The following MYL5 variants were observed in gnomAD, a reference collection of about 807,000 sequenced individuals.
MYL5 encodes myosin regulatory light chain 5.
In MYL5, 28 loss-of-function variants were observed where a neutral mutation model predicts 20.8. The observed-to-expected ratio is 1.35, with a 90% CI of 1.00 to 1.84. The LOEUF (loss-of-function observed/expected upper bound fraction) is 1.84, where lower values mean the gene tolerates loss of function less well. MYL5 is among the 40% of genes most tolerant of loss of function. The pLI is 0.00. For missense variants in MYL5, 274 were observed against 227.3 expected (o/e 1.21, Z -1.32); for synonymous variants, 118 against 87.4 (o/e 1.35, Z -1.95).
intron 4 of MYL5, 109 bp from the exon 7 acceptor site, chr4:680,400 T>C: frequency 8.6e-7 from 1 of 1,164,390 alleles, no homozygotes; most frequent in South Asian, 1.3e-5. Context: ...GGGCAGAGGC[T>C]TGGAGTCTCC....
chr4:680,614 C>T, intron 5 of MYL5, 27 bp downstream of exon 7: 3 of 1,607,940 alleles, frequency 1.9e-6, no homozygotes, highest in Non-Finnish European at 1.7e-6. Flanking sequence ...CCAGGGCGGC[C>T]CGGCTTCCGG....
At position 680,606 on chromosome 4, in the gene MYL5, AGGGCGGCCC is replaced by A. The variant is rs755997451; in HGVS notation, c.371+22_371+30del. ...AGGAGTAGTGAGTGCCCGGGCGGCCAGGGCGGCCCGGCTTCCGGGGAACCCCAGTGATCT... is the reference window on the plus strand; with the variant it reads ...AGGAGTAGTGAGTGCCCGGGCGGCCAGGCTTCCGGGGAACCCCAGTGATCT... On this transcript the variant is annotated intron_variant, in intron 5 of 6. Coordinates refer to ENST00000400159, the Ensembl canonical transcript of MYL5. 65 of 1,610,404 alleles carry A rather than the reference AGGGCGGCCC, an allele frequency of 4.0e-5. No homozygotes were observed. Among genetic ancestry groups the A allele is most frequent in the Non-Finnish European group, 5.2e-5 (61 of 1,178,732 alleles).
In MYL5 at chr4:682,003, C is replaced by T. The variant is rs548056487; in HGVS notation, c.*9C>T. 10 of 1,420,722 alleles carry T rather than the reference C, an allele frequency of 7.0e-6. No homozygotes were observed. In the East Asian group the frequency reaches 1.1e-4, roughly 16 times the overall value. 88.0% of individuals were successfully genotyped at this position (1,420,722 alleles called of 1,614,324 possible). A position where few individuals can be genotyped will look rare whatever the true frequency, so the allele number is the denominator to read the frequency against. On this transcript the variant is annotated 3_prime_UTR_variant, in exon 7 of 7. Transcript: ENST00000400159. ...AGGAGAAGGAGGAGTGAGACCCAGC[C>T]GGGTCAATAAACCTGGACGCTTGGA...
In MYL5 at chr4:681,033, AC is replaced by A. The variant is rs966137225; in HGVS notation, c.372-57del. 3 of 1,550,570 alleles carry A rather than the reference AC, an allele frequency of 1.9e-6. No homozygotes were observed. The African/African-American group carries it at 4.1e-5, about 21-fold the overall frequency. ...GGGGCCCCTGGAGCACCTGAGCCCC[AC>A]CGAGAAGGCTCCTGCACCCCCGCAT... On this transcript the variant is annotated intron_variant, in intron 5 of 6. Coordinates refer to ENST00000400159, the Ensembl canonical transcript of MYL5.
chr4:678,191 T>C (rs1739047387), intron 1 of MYL5, 162 bp downstream of exon 3: 10 of 1,525,996 alleles, frequency 6.6e-6, no homozygotes, highest in Non-Finnish European at 6.2e-6. Flanking sequence ...AGCGTGTGTA[T>C]GTGCGTGTGT....
chr4:679,606 C>T (rs183174185), intron 3 of MYL5, among the ~76,000 whole-genome samples: 9 of 152,254 alleles, frequency 5.9e-5, no homozygotes, highest in East Asian at 5.8e-4. Context: ...GTGGGAGGGT[C>T]GCAAGTGACC....
At chr4:678,915 C>G in intron 2 of MYL5, 43 bp from the exon 5 acceptor site, 1 of 1,611,866 alleles carries the variant, frequency 6.2e-7, no homozygotes, top group Middle Eastern at 1.7e-4. Context: ...GGGGCAGAGC[C>G]CAGCCGGGTT....
chr4:678,111 G>A (rs1430879123), intron 1 of MYL5, 82 bp downstream of exon 3: 81 of 1,587,972 alleles, frequency 5.1e-5, no homozygotes, highest in East Asian at 4.6e-5. Context: ...ACAGACGAGC[G>A]TGGGCGTGTC....
intron 4 of MYL5, 57 bp from the exon 7 acceptor site, chr4:680,452 T>C: frequency 6.4e-7 from 1 of 1,569,218 alleles, no homozygotes; most frequent in Non-Finnish European, 8.8e-7. Context: ...CATCTGCCCT[T>C]GGCAGCCACG....
At chr4:678,164 G>A in intron 1 of MYL5, 135 bp downstream of exon 3, 1 of 1,543,434 alleles carries the variant, frequency 6.5e-7, no homozygotes, top group Non-Finnish European at 8.8e-7. Context: ...TGCTCTGCCT[G>A]CATATGTGTG....
rs759498576 is a variant in MYL5 at position 679,911 on chromosome 4, C to G, written c.188-3C>G. On this transcript the variant is annotated splice_region_variant and splice_polypyrimidine_tract_variant and intron_variant, in intron 3 of 6. Transcript: ENST00000400159. The stretch of plus-strand genomic sequence containing the variant: ...CCCTGTGATGCCCCCATGTCTGTAA[C>G]AGGCAAGACCAACGTCAAGGACGAC... 6.2e-7 allele frequency: 1 copy of G among 1,613,474 alleles called. No individual in the cohort carries two copies. Among genetic ancestry groups the G allele is most frequent in the Middle Eastern group, 1.7e-4 (1 of 6,058 alleles).
chr4:679,102 C>T (rs773321678), intron 3 of MYL5, 69 bp downstream of exon 5: 21 of 1,294,064 alleles, frequency 1.6e-5, no homozygotes, highest in Middle Eastern at 2.0e-4. Context: ...CAGCTCCAGA[C>T]GCCGCGGCCC....
In MYL5 at chr4:681,946, C is replaced by T. The variant is rs1461598253; in HGVS notation, c.474C>T (p.Tyr158=). The change falls in exon 7 of 7, where the codon TAC becomes TAT. Residue 158 remains tyrosine (Y), a synonymous_variant. Transcript: ENST00000400159. ...TCGATGTGGCGGGCAACCTGGACTA[C>T]AAGGCGCTCAGCTACGTGATCACCC... 7 of 1,344,804 alleles carry T rather than the reference C, an allele frequency of 5.2e-6. No homozygotes were observed. The East Asian group carries it at 1.1e-4, about 22-fold the overall frequency. 83.3% of individuals were successfully genotyped at this position (1,344,804 alleles called of 1,614,324 possible).
chr4:678,419 T>C (rs916285069), intron 1 of MYL5: 11 of 1,420,042 alleles, frequency 7.7e-6, no homozygotes, highest in Non-Finnish European at 1.0e-5. Context: ...TCTGTGGGCC[T>C]TCTGGAAGCC....
intron 6 of MYL5, 165 bp from the exon 9 acceptor site, chr4:681,728 C>T: frequency 2.7e-6 from 1 of 370,238 alleles, no homozygotes; most frequent in Non-Finnish European, 3.8e-6. Flanking sequence ...CCGCCCCGCC[C>T]CCTCCAGCGC....
At chr4:681,229 A>T in intron 6 of MYL5, 89 bp downstream of exon 8, 1 of 1,483,904 alleles carries the variant, frequency 6.7e-7, no homozygotes, top group Non-Finnish European at 9.1e-7. Flanking sequence ...GAGCCCGAGG[A>T]GCAGCGCCGC....
upstream of MYL5, chr4:675,769 C>T (rs531524296): frequency 6.6e-6 from 1 of 152,486 alleles, no homozygotes; most frequent in Non-Finnish European, 1.5e-5. Flanking sequence ...GAGCTCCACC[C>T]ACTTTCAGAT....
upstream of MYL5, chr4:675,325 C>G (rs891311359): frequency 6.6e-6 from 1 of 152,468 alleles, no homozygotes; most frequent in Non-Finnish European, 1.5e-5. Context: ...CCATGCTGCC[C>G]GTGCTGGGCC....
intron 6 of MYL5, 73 bp from the exon 9 acceptor site, chr4:681,820 C>T (rs1268543829): frequency 1.8e-5 from 23 of 1,264,960 alleles, no homozygotes; most frequent in Non-Finnish European, 2.3e-5. Flanking sequence ...AAACCACACC[C>T]GGGGCCGCTG....
Sources: gnomAD v4.1 joint callset for allele counts (sites outside exome capture counted in the v4.1 genomes callset) on GRCh38, gnomAD v4.1.1 for gene constraint, MANE v1.5 for transcripts, NCBI Gene and HGNC (gene_info 2026-07-23, HGNC 2026-07-21) for gene names.